The following LHFPL2 variants were observed in gnomAD, a reference collection of about 807,000 sequenced individuals.
The protein encoded by LHFPL2 is LHFPL tetraspan subfamily member 2, also known as LHFPL tetraspan subfamily member 2 protein.
In LHFPL2, 7 loss-of-function variants were observed where a neutral mutation model predicts 17.5. The observed-to-expected ratio is 0.40, with a 90% CI of 0.23 to 0.75. The LOEUF (loss-of-function observed/expected upper bound fraction) is 0.75. Ranked by LOEUF, LHFPL2 falls within the 30% of genes least tolerant of loss-of-function variation. The pLI, the probability that LHFPL2 is intolerant of heterozygous loss-of-function variation, is 0.37. For missense variants in LHFPL2, 241 were observed against 294.8 expected (o/e 0.82, Z 1.34); for synonymous variants, 134 against 116.2 (o/e 1.15, Z -0.99).
intron 2 of LHFPL2, among the ~76,000 whole-genome samples, chr5:78,605,289 G>A (rs971617181): frequency 2.0e-5 from 3 of 152,164 alleles, no homozygotes; most frequent in Non-Finnish European, 4.4e-5. Flanking sequence ...AGGACACCCA[G>A]GCAATCAACG....
At chr5:78,610,489 G>A (rs1180811255) in intron 2 of LHFPL2, among the ~76,000 whole-genome samples, 2 of 152,192 alleles carry the variant, frequency 1.3e-5, no homozygotes, top group Non-Finnish European at 2.9e-5. Flanking sequence ...GGAAGCCAAG[G>A]GCCTGCTGGG....
intron 2 of LHFPL2, among the ~76,000 whole-genome samples, chr5:78,589,626 C>T (rs527496769): frequency 1.3e-5 from 2 of 152,296 alleles, no homozygotes; most frequent in South Asian, 4.1e-4. Context: ...AACCTGCACC[C>T]GCATGAATAG....
chr5:78,554,659 G>A (rs1263735658), intron 3 of LHFPL2, among the ~76,000 whole-genome samples: 8 of 152,204 alleles, frequency 5.3e-5, no homozygotes, highest in Non-Finnish European at 1.2e-4. Flanking sequence ...ATCAGGTATA[G>A]GAAAGATTTT....
intron 4 of LHFPL2, among the ~76,000 whole-genome samples, chr5:78,500,413 A>AT (rs1180710220): frequency 6.6e-6 from 1 of 152,214 alleles, no homozygotes; most frequent in Non-Finnish European, 1.5e-5. Context: ...CTATGTCTGC[A>AT]TGCAGGGGAA....
chr5:78,543,587 C>T (rs1756178207), intron 3 of LHFPL2, among the ~76,000 whole-genome samples: 1 of 152,156 alleles, frequency 6.6e-6, no homozygotes, highest in African/African-American at 2.4e-5. Context: ...AATCCTCAGA[C>T]CCCAGGCCTG....
At chr5:78,532,297 C>T (rs984445342) in intron 3 of LHFPL2, among the ~76,000 whole-genome samples, 3 of 152,104 alleles carry the variant, frequency 2.0e-5, no homozygotes, top group Admixed American at 1.3e-4. Context: ...TGGGCTCAAG[C>T]GATCCACCTG....
intron 4 of LHFPL2, among the ~76,000 whole-genome samples, chr5:78,494,079 C>T (rs1241813446): frequency 2.6e-5 from 4 of 152,172 alleles, no homozygotes; most frequent in African/African-American, 9.7e-5. Flanking sequence ...GAAGTGAGGC[C>T]ACCCTCTCTG....
intron 2 of LHFPL2, among the ~76,000 whole-genome samples, chr5:78,596,411 T>C (rs1481328096): frequency 6.6e-6 from 1 of 152,206 alleles, no homozygotes; most frequent in Non-Finnish European, 1.5e-5. Context: ...CAATGAACAT[T>C]TGAATGAAAT....
At chr5:78,576,177 C>T (rs560818221) in intron 2 of LHFPL2, among the ~76,000 whole-genome samples, 2 of 152,234 alleles carry the variant, frequency 1.3e-5, no homozygotes, top group East Asian at 3.9e-4. Context: ...TGCCTGTAGT[C>T]CCAGCTACTC....
intron 1 of LHFPL2, among the ~76,000 whole-genome samples, chr5:78,643,233 T>C (rs2112530681): frequency 6.6e-6 from 1 of 152,306 alleles, no homozygotes; most frequent in Middle Eastern, 3.4e-3. Context: ...ACTTATGTGT[T>C]ATCTTATCAT....
At chr5:78,605,048 T>C (rs1408488440) in intron 2 of LHFPL2, among the ~76,000 whole-genome samples, 1 of 152,218 alleles carries the variant, frequency 6.6e-6, no homozygotes, top group Non-Finnish European at 1.5e-5. Flanking sequence ...TCTTTCAAAA[T>C]TGTTTTATCA....
At chr5:78,586,195 A>G (rs1204697334) in intron 2 of LHFPL2, among the ~76,000 whole-genome samples, 1 of 152,290 alleles carries the variant, frequency 6.6e-6, no homozygotes, top group East Asian at 1.9e-4. Flanking sequence ...CCCTCGGGCA[A>G]GTTACTCAAA....
rs143414260 is a variant in LHFPL2 at position 78,549,409 on chromosome 5, T to C, written c.-186+15404A>G. Among the ~76,000 whole-genome samples the C allele has an allele frequency of 3.2e-3, 480 of 152,304 alleles. 2 individuals are homozygous for C. The highest frequency in any genetic ancestry group is 5.3e-3 in the Non-Finnish European group (360 of 68,024). On this transcript the variant is annotated intron_variant, in intron 3 of 4. Transcript: ENST00000380345. ...AGGGAAATAAGACTCCAGTTATTAATGGCAGAGTGAAAAAGAATGTGCAAC... is the reference window on the plus strand; with the variant it reads ...AGGGAAATAAGACTCCAGTTATTAACGGCAGAGTGAAAAAGAATGTGCAAC...
chr5:78,605,397 T>C (rs2112478509), intron 2 of LHFPL2, among the ~76,000 whole-genome samples: 1 of 152,300 alleles, frequency 6.6e-6, no homozygotes, highest in South Asian at 2.1e-4. Context: ...TACATGGCCC[T>C]GACAGGGGCA....
intron 3 of LHFPL2, among the ~76,000 whole-genome samples, chr5:78,517,820 C>T (rs564657314): frequency 3.9e-5 from 6 of 152,294 alleles, no homozygotes; most frequent in Middle Eastern, 3.4e-3. Context: ...TAGCCAGAGA[C>T]GGAAGGTCCA....
At position 78,486,511 on chromosome 5, in the gene LHFPL2, G is replaced by A. The variant is rs891342000; in HGVS notation, c.*2386C>T. ...CATGGTTTAGACTAGCATGATTTTA[G>A]ATGGTCCTTTCATCCCAAGCCTGGC... On this transcript the variant is annotated 3_prime_UTR_variant, in exon 5 of 5. Coordinates refer to ENST00000380345, the MANE Select transcript of LHFPL2 (RefSeq NM_005779.3). 3.3e-5 allele frequency: 5 copies of A among 152,320 alleles called. No homozygotes were observed. The highest frequency in any genetic ancestry group is 7.2e-5 in the African/African-American group (3 of 41,560). 9.4% of individuals were successfully genotyped at this position (152,320 alleles called of 1,614,324 possible).
chr5:78,586,270 T>G (rs1220295172), intron 2 of LHFPL2, among the ~76,000 whole-genome samples: 1 of 152,220 alleles, frequency 6.6e-6, no homozygotes, highest in Non-Finnish European at 1.5e-5. Context: ...ACCAGGCTGC[T>G]GTGAGGATTA....
At position 78,510,047 on chromosome 5, in the gene LHFPL2, G is replaced by A; in HGVS notation, c.167C>T (p.Pro56Leu). ...GTAGATGCCCAGGGTGGGGTGGTAG[G>A]GCTCCGGGGAGCCCCCGCCCGGGCC... is the stretch of plus-strand genomic sequence containing the variant. ...PAGPGGGSPE[P>L]YHPTLGIYAR... The change falls in exon 4 of 5, where the codon CCC (proline) becomes CTC (leucine). Residue 56 changes from proline to leucine, a missense_variant. By Grantham distance (98) the Pro-to-Leu change is moderately conservative (BLOSUM62 -3). Transcript: ENST00000380345. 7 of 1,610,020 alleles carry A rather than the reference G, an allele frequency of 4.3e-6. No homozygotes were observed. The highest frequency in any genetic ancestry group is 5.9e-6 in the Non-Finnish European group (7 of 1,178,288).
intron 2 of LHFPL2, among the ~76,000 whole-genome samples, chr5:78,582,770 G>T (rs1416311874): frequency 6.6e-6 from 1 of 152,256 alleles, no homozygotes; most frequent in South Asian, 2.1e-4. Context: ...CTGTTGATTT[G>T]GGGTGTAGAG....
Sources: allele counts gnomAD v4.1 joint callset (sites outside exome capture counted in the v4.1 genomes callset), GRCh38; gene constraint gnomAD v4.1.1; transcripts MANE v1.5; gene names NCBI Gene and HGNC (gene_info 2026-07-23, HGNC 2026-07-21).